Variants in SIL1 observed in about 807,000 individuals in gnomAD.
SIL1 encodes the protein SIL1 nucleotide exchange factor.
SIL1 carries 40 observed loss-of-function variants against 49.1 expected under a neutral mutation model. The observed-to-expected ratio is 0.81, with a 90% CI of 0.63 to 1.06. The LOEUF (loss-of-function observed/expected upper bound fraction) is 1.06, where lower values mean the gene tolerates loss of function less well. Among genes scored for constraint, SIL1 ranks in the 50% least tolerant of loss-of-function variants. SIL1 has a pLI of 0.00. For synonymous variants in SIL1, 253 were observed against 250.8 expected (o/e 1.01, Z -0.08); for missense variants, 500 against 572.6 (o/e 0.87, Z 1.29).
chr5:139,127,098 A>G (rs1173625695), intron 2 of SIL1, among the ~76,000 whole-genome samples: 3 of 152,236 alleles, frequency 2.0e-5, no homozygotes. Flanking sequence ...TCCTCCTGCC[A>G]GTGGCAATGG....
chr5:139,129,387 G>GT (rs1177634255), intron 1 of SIL1, among the ~76,000 whole-genome samples: 1 of 152,142 alleles, frequency 6.6e-6, no homozygotes, highest in African/African-American at 2.4e-5. Flanking sequence ...ATCCACAAGT[G>GT]TAAGAGTGAA....
At chr5:139,168,709 A>C (rs1435852136) in intron 1 of SIL1, among the ~76,000 whole-genome samples, 1 of 152,028 alleles carries the variant, frequency 6.6e-6, no homozygotes, top group Non-Finnish European at 1.5e-5. Context: ...GCAGTGACTG[A>C]CACCTGTAAT....
chr5:139,009,869 G>A (rs1281608793), intron 7 of SIL1, among the ~76,000 whole-genome samples: 78 of 143,802 alleles, frequency 5.4e-4, no homozygotes, highest in South Asian at 1.2e-3. Flanking sequence ...AGGGTAACCC[G>A]ACCTTTCTCT....
chr5:139,182,809 T>G (rs908172058), intron 1 of SIL1, among the ~76,000 whole-genome samples: 1 of 152,178 alleles, frequency 6.6e-6, no homozygotes, highest in Non-Finnish European at 1.5e-5. Flanking sequence ...GTTGAGTAGC[T>G]CCTCTGAAGT....
At chr5:139,143,332 C>CATATAT (rs1228701435) in intron 1 of SIL1, among the ~76,000 whole-genome samples, 5 of 90,578 alleles carry the variant, frequency 5.5e-5, no homozygotes, top group African/African-American at 2.3e-4. Flanking sequence ...CACACACACA[C>CATATAT]ACACACACAC....
intron 1 of SIL1, among the ~76,000 whole-genome samples, chr5:139,181,452 A>G (rs1277198417): frequency 3.3e-5 from 5 of 152,232 alleles, no homozygotes; most frequent in Admixed American, 6.5e-5. Flanking sequence ...CAGAGGGACA[A>G]GCAGTACCAA....
intron 1 of SIL1, 182 bp from the exon 2 acceptor site, chr5:139,128,035 T>C: frequency 1.6e-6 from 1 of 629,676 alleles, no homozygotes; most frequent in Non-Finnish European, 3.0e-6. Flanking sequence ...GGTCCAGCCA[T>C]CCAACAAGAG....
chr5:138,999,426 ACT>A (rs1008678431), intron 7 of SIL1, among the ~76,000 whole-genome samples: 3 of 152,024 alleles, frequency 2.0e-5, no homozygotes, highest in African/African-American at 7.2e-5. Context: ...GCCAAGGTAA[ACT>A]CTTGGCCTCA....
At chr5:139,127,234 T>G (rs921087362) in intron 2 of SIL1, among the ~76,000 whole-genome samples, 12 of 150,034 alleles carry the variant, frequency 8.0e-5, no homozygotes, top group African/African-American at 2.5e-5. Context: ...GAGAGAGGAG[T>G]AGAGGAAGAA....
chr5:139,120,981 A>G, intron 3 of SIL1, 54 bp downstream of exon 3: 1 of 1,609,546 alleles, frequency 6.2e-7, no homozygotes, highest in Non-Finnish European at 8.5e-7. Context: ...GACAAAGGAC[A>G]TATGCAGTTT....
intron 3 of SIL1, among the ~76,000 whole-genome samples, chr5:139,110,262 G>A (rs568954187): frequency 1.3e-5 from 2 of 151,998 alleles, no homozygotes; most frequent in African/African-American, 4.8e-5. Flanking sequence ...AACATTTAGA[G>A]GGCTACTGGG....
intron 3 of SIL1, among the ~76,000 whole-genome samples, chr5:139,112,686 C>T (rs1401455425): frequency 6.7e-6 from 1 of 148,294 alleles, no homozygotes; most frequent in Non-Finnish European, 1.5e-5. Flanking sequence ...AGGTGGCGGG[C>T]GCCTCCGCCC....
chr5:139,010,416 C>T (rs1455508092), intron 7 of SIL1, among the ~76,000 whole-genome samples: 2 of 151,134 alleles, frequency 1.3e-5, no homozygotes, highest in Non-Finnish European at 3.0e-5. Flanking sequence ...GAATGTCCTC[C>T]CATAGCTCAG....
chr5:139,093,764 T>C (rs1770394142), intron 3 of SIL1: 1 of 152,204 alleles, frequency 6.6e-6, no homozygotes, highest in African/African-American at 2.4e-5. Context: ...CCACTATCTT[T>C]ACCCTATAAA....
chr5:139,036,812 A>T (rs1048058324), intron 5 of SIL1, among the ~76,000 whole-genome samples: 2 of 152,216 alleles, frequency 1.3e-5, no homozygotes, highest in African/African-American at 2.4e-5. Flanking sequence ...GTTTATCTAT[A>T]TAACAAACCT....
At position 139,170,212 on chromosome 5, in the gene SIL1, C is replaced by T. The variant is rs535190234; in HGVS notation, c.-11+28057G>A. ...GGAGTGCAGTGGCGTGATCTCGGCT[C>T]GCTACAACCTCCACCTCCCAGCAGC... On this transcript the variant is annotated intron_variant, in intron 1 of 9. Coordinates refer to ENST00000394817, the MANE Select transcript of SIL1 (RefSeq NM_022464.5). Among the ~76,000 whole-genome samples, 12 of 152,246 alleles carry T rather than the reference C, an allele frequency of 7.9e-5. No homozygotes were observed. In the South Asian group the frequency reaches 8.3e-4, roughly 11 times the overall value.
chr5:139,112,623 G>A (rs185036699), intron 3 of SIL1, among the ~76,000 whole-genome samples: 5,229 of 150,400 alleles, frequency 0.035, 277 homozygotes, highest in African/African-American at 0.12. Flanking sequence ...CAACCCCTCC[G>A]GGAGGGAGGT....
intron 7 of SIL1, among the ~76,000 whole-genome samples, chr5:138,996,772 C>A (rs1581015586): frequency 6.6e-6 from 1 of 152,048 alleles, no homozygotes; most frequent in East Asian, 1.9e-4. Context: ...CCTGCCTCGA[C>A]CTCCCAAAGT....
intron 1 of SIL1, among the ~76,000 whole-genome samples, chr5:139,194,429 G>T (rs547086276): frequency 1.3e-5 from 2 of 152,282 alleles, no homozygotes; most frequent in African/African-American, 4.8e-5. Context: ...GAAATCCTTG[G>T]TGAAAGTAAA....
Sources: gnomAD v4.1 joint callset for allele counts (sites outside exome capture counted in the v4.1 genomes callset) on GRCh38, gnomAD v4.1.1 for gene constraint, MANE v1.5 for transcripts, NCBI Gene and HGNC (gene_info 2026-07-23, HGNC 2026-07-21) for gene names.